SLC27A2: variants seen among roughly 807,000 people sequenced by gnomAD.
SLC27A2 encodes the protein solute carrier family 27 member 2, also known as long-chain fatty acid transport protein 2.
Under a neutral mutation model 60.0 loss-of-function variants are expected in SLC27A2, and 54 were observed. That is an observed-to-expected ratio of 0.90 (90% CI 0.72 to 1.13). SLC27A2 has a LOEUF of 1.13. Ranked by LOEUF, SLC27A2 falls within the 50% of genes most tolerant of loss-of-function variation. SLC27A2 has a pLI of 0.00. For synonymous variants in SLC27A2, 297 were observed against 297.6 expected (o/e 1.00, Z 0.02); for missense variants, 739 against 777.6 (o/e 0.95, Z 0.59).
At chr15:50,234,067 C>A in intron 9 of SLC27A2, 69 bp downstream of exon 9, 1 of 1,419,384 alleles carries the variant, frequency 7.0e-7, no homozygotes, top group Non-Finnish European at 9.5e-7. Context: ...GGGAACAACT[C>A]GCCTTCTCCC....
intron 8 of SLC27A2, among the ~76,000 whole-genome samples, chr15:50,233,139 G>A (rs1411595001): frequency 1.3e-5 from 2 of 152,046 alleles, no homozygotes; most frequent in Non-Finnish European, 2.9e-5. Context: ...GGGACTAATG[G>A]GCCTTAATGG....
chr15:50,213,215 G>A (rs937867519), intron 4 of SLC27A2, among the ~76,000 whole-genome samples: 2 of 152,094 alleles, frequency 1.3e-5, no homozygotes, highest in African/African-American at 4.8e-5. Context: ...AACAGAGACA[G>A]TATAGAATTG....
intron 4 of SLC27A2, among the ~76,000 whole-genome samples, chr15:50,211,224 G>A (rs1241310626): frequency 6.6e-6 from 1 of 152,192 alleles, no homozygotes; most frequent in East Asian, 1.9e-4. Context: ...ATCCCATGGA[G>A]TCATTGCATC....
Position 50,205,687 on chromosome 15 carries a change from A to G in SLC27A2, c.972+324A>G, listed in dbSNP as rs563961750. Among the ~76,000 whole-genome samples the G allele has an allele frequency of 7.2e-5, 11 of 152,206 alleles. 2 individuals are homozygous for G. In the South Asian group the frequency reaches 2.3e-3, roughly 32 times the overall value. On this transcript the variant is annotated intron_variant, in intron 4 of 9. Coordinates refer to ENST00000267842, the MANE Select transcript of SLC27A2 (RefSeq NM_003645.4). ...CAGTTCAAATGATACCTCATACATT[A>G]AACATATTTGGGTCACTCCAACAAA...
chr15:50,234,081 A>T (rs2045333399), intron 9 of SLC27A2, 83 bp downstream of exon 9: 3 of 1,347,562 alleles, frequency 2.2e-6, no homozygotes, highest in Non-Finnish European at 3.0e-6. Flanking sequence ...TTCTCCCAGG[A>T]TGACTACATT....
intron 1 of SLC27A2, among the ~76,000 whole-genome samples, chr15:50,189,054 C>A (rs562287708): frequency 6.6e-6 from 1 of 150,564 alleles, no homozygotes; most frequent in African/African-American, 2.5e-5. Context: ...TACATACATA[C>A]ATACATAATG....
chr15:50,234,488 G>A (rs2045337059), intron 9 of SLC27A2, among the ~76,000 whole-genome samples: 1 of 151,592 alleles, frequency 6.6e-6, no homozygotes, highest in African/African-American at 2.4e-5. Context: ...TCGGGAGGCT[G>A]GGACAGGAGA....
intron 4 of SLC27A2, among the ~76,000 whole-genome samples, chr15:50,207,669 A>G (rs1567432016): frequency 6.6e-6 from 1 of 151,968 alleles, no homozygotes; most frequent in Non-Finnish European, 1.5e-5. Flanking sequence ...ACGTGCCTGT[A>G]ATCCCAACTA....
At chr15:50,203,959 G>C (rs947984891) in intron 3 of SLC27A2, among the ~76,000 whole-genome samples, 2 of 152,034 alleles carry the variant, frequency 1.3e-5, no homozygotes, top group Non-Finnish European at 2.9e-5. Context: ...AGAACTGCAA[G>C]AGATAAATGT....
intron 1 of SLC27A2, among the ~76,000 whole-genome samples, chr15:50,190,301 T>C (rs973090803): frequency 6.6e-6 from 1 of 152,234 alleles, no homozygotes; most frequent in African/African-American, 2.4e-5. Flanking sequence ...AAGAGATAAA[T>C]CTTCAAGCTT....
intron 4 of SLC27A2, among the ~76,000 whole-genome samples, chr15:50,212,217 A>G (rs2045163508): frequency 6.6e-6 from 1 of 152,150 alleles, no homozygotes; most frequent in African/African-American, 2.4e-5. Context: ...CTCGAAGTCA[A>G]GGTCTTTGAA....
At chr15:50,235,678 T>G (rs2045346823) in intron 9 of SLC27A2, among the ~76,000 whole-genome samples, 1 of 152,220 alleles carries the variant, frequency 6.6e-6, no homozygotes, top group African/African-American at 2.4e-5. Context: ...AGCCAAACTA[T>G]TCCACGATGT....
chr15:50,221,493 C>T (rs770291153), intron 4 of SLC27A2, among the ~76,000 whole-genome samples: 15 of 152,198 alleles, frequency 9.9e-5, no homozygotes, highest in African/African-American at 3.1e-4. Flanking sequence ...GCTTCCCTGG[C>T]GCCTTAGCTC....
chr15:50,228,144 G>A (rs752727591), intron 7 of SLC27A2, among the ~76,000 whole-genome samples: 3 of 152,128 alleles, frequency 2.0e-5, no homozygotes, highest in Non-Finnish European at 4.4e-5. Context: ...TTGGGAGGCC[G>A]AGGCGGGTGG....
intron 4 of SLC27A2, among the ~76,000 whole-genome samples, chr15:50,213,340 G>A (rs1387548103): frequency 6.6e-6 from 1 of 152,028 alleles, no homozygotes; most frequent in Non-Finnish European, 1.5e-5. Flanking sequence ...AAGATAGACA[G>A]CAACACAATA....
intron 4 of SLC27A2, among the ~76,000 whole-genome samples, chr15:50,210,070 G>C (rs1182496255): frequency 6.6e-6 from 1 of 152,204 alleles, no homozygotes; most frequent in Non-Finnish European, 1.5e-5. Flanking sequence ...GGGATGAAGT[G>C]TCAGACTTAA....
rs773723428 is a variant in SLC27A2 at position 50,182,618 on chromosome 15, G to A, written c.191G>A (p.Arg64His). 1.1e-5 allele frequency: 17 copies of A among 1,613,702 alleles called. No homozygotes were observed. Among genetic ancestry groups the A allele is most frequent in the South Asian group, 2.2e-5 (2 of 91,078 alleles). The part of the protein sequence containing the change: ...TILRAFLEKA[R>H]QTPHKPFLLF... ...CTGCGGGCGTTCCTGGAGAAAGCGCGCCAGACGCCACACAAGCCTTTTCTG... is the reference window on the plus strand; with the variant it reads ...CTGCGGGCGTTCCTGGAGAAAGCGCACCAGACGCCACACAAGCCTTTTCTG... The change falls in exon 1 of 10, where the codon CGC (arginine) becomes CAC (histidine). Residue 64 changes from arginine to histidine, a missense_variant. Arg to His is a conservative substitution (Grantham distance 29). Transcript: ENST00000267842.
intron 8 of SLC27A2, among the ~76,000 whole-genome samples, chr15:50,231,394 C>T (rs758826225): frequency 2.0e-5 from 3 of 152,018 alleles, no homozygotes; most frequent in Non-Finnish European, 4.4e-5. Flanking sequence ...TGATCCACAC[C>T]CCGACCTTGG....
intron 1 of SLC27A2, among the ~76,000 whole-genome samples, chr15:50,187,404 TTC>T (rs2044932986): frequency 6.6e-6 from 1 of 152,224 alleles, no homozygotes; most frequent in African/African-American, 2.4e-5. Flanking sequence ...CATATTTTAT[TTC>T]ACACAATATG....
Sources: allele counts gnomAD v4.1 joint callset (sites outside exome capture counted in the v4.1 genomes callset), GRCh38; gene constraint gnomAD v4.1.1; transcripts MANE v1.5; gene names NCBI Gene and HGNC (gene_info 2026-07-23, HGNC 2026-07-21).